Variants in PARP8 observed in about 807,000 individuals in gnomAD.
PARP8 encodes poly(ADP-ribose) polymerase family member 8.
A neutral mutation model predicts 124.1 loss-of-function variants in PARP8; 51 were observed. The ratio of observed to expected loss-of-function variants is 0.41; its 90% confidence interval spans 0.33 to 0.52. PARP8 has a LOEUF of 0.52. PARP8 is among the 20% of genes least tolerant of loss of function. The pLI is 0.21. For missense variants in PARP8, 860 were observed against 1,018.9 expected (o/e 0.84, Z 2.12); for synonymous variants, 391 against 361.5 (o/e 1.08, Z -0.93).
chr5:50,720,342 G>T (rs2149501344), intron 2 of PARP8, among the ~76,000 whole-genome samples: 1 of 152,130 alleles, frequency 6.6e-6, no homozygotes, highest in African/African-American at 2.4e-5. Flanking sequence ...ATAATAAAAA[G>T]CTGGTGATAA....
intron 2 of PARP8, among the ~76,000 whole-genome samples, chr5:50,670,839 T>C (rs1285908063): frequency 6.6e-6 from 1 of 152,226 alleles, no homozygotes; most frequent in African/African-American, 2.4e-5. Flanking sequence ...CATCAAAAAA[T>C]TATGTAGAGA....
At chr5:50,837,730 T>A (rs1356917658) in intron 25 of PARP8, among the ~76,000 whole-genome samples, 2 of 151,354 alleles carry the variant, frequency 1.3e-5, no homozygotes, top group East Asian at 1.9e-4. Flanking sequence ...TGGAGGGAAA[T>A]TTTAGGGAAC....
intron 18 of PARP8, among the ~76,000 whole-genome samples, chr5:50,825,704 C>T (rs1443201874): frequency 6.6e-6 from 1 of 152,124 alleles, no homozygotes; most frequent in South Asian, 2.1e-4. Context: ...ACTTTGAAAA[C>T]TCCAACTCCG....
At chr5:50,758,696 T>A (rs1760222532) in intron 3 of PARP8, among the ~76,000 whole-genome samples, 1 of 152,172 alleles carries the variant, frequency 6.6e-6, no homozygotes, top group African/African-American at 2.4e-5. Flanking sequence ...GGACCATTAT[T>A]AATGAATTGA....
intron 3 of PARP8, among the ~76,000 whole-genome samples, chr5:50,754,632 T>C (rs371652605): frequency 2.6e-5 from 4 of 152,142 alleles, no homozygotes; most frequent in African/African-American, 9.7e-5. Context: ...TGAATAGTGC[T>C]GCAATAAACG....
chr5:50,824,297 C>T (rs761670084), intron 17 of PARP8, among the ~76,000 whole-genome samples: 1 of 152,102 alleles, frequency 6.6e-6, no homozygotes, highest in Non-Finnish European at 1.5e-5. Flanking sequence ...CTTTACAGGA[C>T]ACTTGTAAAG....
chr5:50,736,234 G>C (rs1478891380), intron 2 of PARP8, among the ~76,000 whole-genome samples: 1 of 152,044 alleles, frequency 6.6e-6, no homozygotes, highest in Non-Finnish European at 1.5e-5. Flanking sequence ...TATGTCCTTA[G>C]AGACACTTTT....
intron 12 of PARP8, among the ~76,000 whole-genome samples, chr5:50,796,515 G>A (rs1371361574): frequency 6.6e-6 from 1 of 152,164 alleles, no homozygotes; most frequent in African/African-American, 2.4e-5. Context: ...CAGACATTCT[G>A]TAAAAGAAAA....
At chr5:50,682,424 T>A (rs576494503) in intron 2 of PARP8, among the ~76,000 whole-genome samples, 14 of 150,870 alleles carry the variant, frequency 9.3e-5, no homozygotes, top group Middle Eastern at 3.4e-3. Context: ...TGGACTTTTT[T>A]AAATCACTTA....
intron 24 of PARP8, among the ~76,000 whole-genome samples, chr5:50,834,380 A>G (rs1482736917): frequency 6.6e-6 from 1 of 152,170 alleles, no homozygotes; most frequent in African/African-American, 2.4e-5. Context: ...ATATGATACT[A>G]TGAAAAATGT....
chr5:50,745,712 A>G (rs531133370), intron 2 of PARP8, among the ~76,000 whole-genome samples: 1 of 152,316 alleles, frequency 6.6e-6, no homozygotes, highest in South Asian at 2.1e-4. Flanking sequence ...GGCTGTTGGG[A>G]ATTAATTCAG....
chr5:50,786,485 C>G (rs535174677), intron 9 of PARP8, among the ~76,000 whole-genome samples: 145 of 151,884 alleles, frequency 9.5e-4, no homozygotes, highest in Non-Finnish European at 1.7e-3. Context: ...CCACCTCAGC[C>G]TCCTAAGTAG....
At chr5:50,824,593 C>A (rs185864662) in intron 17 of PARP8, among the ~76,000 whole-genome samples, 1 of 152,186 alleles carries the variant, frequency 6.6e-6, no homozygotes, top group Non-Finnish European at 1.5e-5. Flanking sequence ...ATCACGTTTT[C>A]TTGAGCAGAA....
chr5:50,716,808 A>T (rs1366811841), intron 2 of PARP8, among the ~76,000 whole-genome samples: 1 of 152,114 alleles, frequency 6.6e-6, no homozygotes, highest in African/African-American at 2.4e-5. Flanking sequence ...TAAGAGTCTC[A>T]GATTAAAAGA....
rs566756810 is a variant in PARP8, at chr5:50,804,939, C to T, written c.1575+7706C>T. ...AAGCTGCAGCTTTTCTTTTTTTTTTCCAAAATGGAAAGAAGGTTAAATGTC... is the reference window on the plus strand; with the variant it reads ...AAGCTGCAGCTTTTCTTTTTTTTTTTCAAAATGGAAAGAAGGTTAAATGTC... On this transcript the variant is annotated intron_variant, in intron 14 of 25. Coordinates refer to ENST00000281631, the MANE Select transcript of PARP8 (RefSeq NM_024615.4). Among the ~76,000 whole-genome samples the T allele has an allele frequency of 8.9e-4, 134 of 150,246 alleles. 1 individual carries two copies. The highest frequency in any genetic ancestry group is 3.1e-3 in the African/African-American group (129 of 41,018).
intron 14 of PARP8, among the ~76,000 whole-genome samples, chr5:50,802,780 C>A (rs756474710): frequency 1.3e-5 from 2 of 151,854 alleles, no homozygotes; most frequent in Non-Finnish European, 2.9e-5. Context: ...TTTTCCAAAC[C>A]AGAAAAAATC....
chr5:50,826,211 T>C (rs940600811), intron 18 of PARP8, among the ~76,000 whole-genome samples: 1 of 152,134 alleles, frequency 6.6e-6, no homozygotes, highest in African/African-American at 2.4e-5. Context: ...TGTGTGCTTA[T>C]AGAGCAGTTC....
chr5:50,828,729 T>TTATATATATA (rs60312448), intron 21 of PARP8, among the ~76,000 whole-genome samples: 27 of 146,108 alleles, frequency 1.8e-4, no homozygotes, highest in African/African-American at 3.5e-4. Context: ...AAAATACAAA[T>TTATATATATA]TATATATATA....
intron 3 of PARP8, chr5:50,757,321 T>C: frequency 3.1e-6 from 1 of 324,950 alleles, no homozygotes; most frequent in Non-Finnish European, 6.2e-6. Context: ...ATCAAAAATC[T>C]TCCAAAAAGA....
Sources: gnomAD v4.1 joint callset for allele counts (sites outside exome capture counted in the v4.1 genomes callset) on GRCh38, gnomAD v4.1.1 for gene constraint, MANE v1.5 for transcripts, NCBI Gene and HGNC (gene_info 2026-07-23, HGNC 2026-07-21) for gene names.